Variants in PPP2CB observed in about 807,000 individuals in gnomAD.
PPP2CB encodes the protein serine/threonine-protein phosphatase 2A catalytic subunit beta isoform.
A neutral mutation model predicts 39.1 loss-of-function variants in PPP2CB; 18 were observed. That is an observed-to-expected ratio of 0.46 (90% CI 0.32 to 0.68). The LOEUF is 0.68. Ranked by LOEUF, PPP2CB falls within the 30% of genes least tolerant of loss-of-function variation. PPP2CB has a pLI of 0.04. For synonymous variants in PPP2CB, 129 were observed against 133.8 expected (o/e 0.96, Z 0.25); for missense variants, 226 against 396.9 (o/e 0.57, Z 3.66).
intron 1 of PPP2CB, among the ~76,000 whole-genome samples, chr8:30,802,635 G>A (rs1419002248): frequency 2.0e-5 from 3 of 152,102 alleles, no homozygotes; most frequent in Non-Finnish European, 4.4e-5. Context: ...CTGAGCCACC[G>A]TGACTGGCCA....
In PPP2CB at chr8:30,787,604, G is replaced by C. The variant is rs541819954; in HGVS notation, c.858-1297C>G. ...CCTGCCTTGGCTTCCCAAAGTGCTA[G>C]GATTACTGGTTAGAGCCACCGCACC... On this transcript the variant is annotated intron_variant, in intron 6 of 6. Transcript: ENST00000221138. Among the ~76,000 whole-genome samples, 385 of 152,262 alleles carry C rather than the reference G, an allele frequency of 2.5e-3. 1 individual carries two copies. The highest frequency in any genetic ancestry group is 4.8e-3 in the Non-Finnish European group (328 of 68,020).
intron 3 of PPP2CB, among the ~76,000 whole-genome samples, chr8:30,794,939 A>C (rs1055709472): frequency 1.3e-5 from 2 of 152,158 alleles, no homozygotes; most frequent in African/African-American, 2.4e-5. Flanking sequence ...CTCAATGTTT[A>C]TACGTTTTAA....
At chr8:30,808,711 A>G (rs1007554052) in intron 1 of PPP2CB, among the ~76,000 whole-genome samples, 4 of 152,176 alleles carry the variant, frequency 2.6e-5, no homozygotes, top group South Asian at 2.1e-4. Context: ...TGTGGTTCAC[A>G]TAACAGGCAC....
At chr8:30,804,735 C>T (rs1204407284) in intron 1 of PPP2CB, among the ~76,000 whole-genome samples, 1 of 152,118 alleles carries the variant, frequency 6.6e-6, no homozygotes, top group South Asian at 2.1e-4. Flanking sequence ...TTTTTGTCTG[C>T]TGTTCTGAAG....
chr8:30,796,708 T>G (rs1806532444), intron 3 of PPP2CB, among the ~76,000 whole-genome samples: 1 of 152,172 alleles, frequency 6.6e-6, no homozygotes, highest in Non-Finnish European at 1.5e-5. Context: ...TATTTAAATT[T>G]AAATCAGTTC....
intron 6 of PPP2CB, among the ~76,000 whole-genome samples, chr8:30,789,173 G>C (rs1407397142): frequency 6.6e-6 from 1 of 151,932 alleles, no homozygotes; most frequent in Non-Finnish European, 1.5e-5. Flanking sequence ...TGGGATTACA[G>C]GCATGCGCCA....
intron 3 of PPP2CB, among the ~76,000 whole-genome samples, chr8:30,796,291 C>T (rs752891697): frequency 3.9e-5 from 6 of 152,130 alleles, no homozygotes; most frequent in Non-Finnish European, 7.4e-5. Context: ...TATATTCCCA[C>T]GAGCAGTCTA....
chr8:30,805,638 T>C (rs1806710739), intron 1 of PPP2CB, among the ~76,000 whole-genome samples: 1 of 152,080 alleles, frequency 6.6e-6, no homozygotes, highest in African/African-American at 2.4e-5. Flanking sequence ...TTAAAAAAAA[T>C]CCAACTATGC....
chr8:30,799,537 T>C lies in PPP2CB; in HGVS notation c.312+9A>G, dbSNP rs570629257. On this transcript the variant is annotated intron_variant, in intron 2 of 6. Transcript: ENST00000221138. ...TCTTGAAAAAAAAATTGAATTTCAA[T>C]AATCATACCTTTAATGCTACAAGAA... 6 of 1,596,690 alleles carry C rather than the reference T, an allele frequency of 3.8e-6. No individual in the cohort carries two copies. The African/African-American group carries it at 6.7e-5, about 18-fold the overall frequency.
chr8:30,809,378 G>A (rs1806785674), intron 1 of PPP2CB, among the ~76,000 whole-genome samples: 1 of 152,120 alleles, frequency 6.6e-6, no homozygotes, highest in Admixed American at 6.5e-5. Context: ...TCAACAAGGA[G>A]GATGGGGTAG....
At chr8:30,808,712 T>A (rs977110766) in intron 1 of PPP2CB, among the ~76,000 whole-genome samples, 5 of 152,216 alleles carry the variant, frequency 3.3e-5, no homozygotes, top group Middle Eastern at 6.8e-3. Context: ...GTGGTTCACA[T>A]AACAGGCACC....
At chr8:30,794,483 T>G in intron 3 of PPP2CB, 1 of 493,908 alleles carries the variant, frequency 2.0e-6, no homozygotes, top group African/African-American at 2.0e-5. Flanking sequence ...CTTTTTTTTT[T>G]TTTCCCCTCC....
intron 1 of PPP2CB, among the ~76,000 whole-genome samples, chr8:30,806,110 C>T (rs540505861): frequency 1.3e-5 from 2 of 149,934 alleles, no homozygotes; most frequent in East Asian, 2.0e-4. Flanking sequence ...TGCAGTGGCG[C>T]GATCTCGGCT....
chr8:30,798,700 CCTCA>C (rs1452337816), intron 2 of PPP2CB, among the ~76,000 whole-genome samples: 1 of 152,200 alleles, frequency 6.6e-6, no homozygotes, highest in African/African-American at 2.4e-5. Context: ...GAGGGACTAA[CCTCA>C]CTAAGGACAT....
chr8:30,801,356 C>T (rs1051908830), intron 1 of PPP2CB, among the ~76,000 whole-genome samples: 2 of 151,878 alleles, frequency 1.3e-5, no homozygotes, highest in African/African-American at 4.8e-5. Context: ...CACAGTGAAA[C>T]CCCATCTCTA....
Position 30,786,316 on chromosome 8 carries a change from G to A in PPP2CB, c.858-9C>T. 1 of 1,563,008 alleles carries A rather than the reference G, an allele frequency of 6.4e-7. No homozygotes were observed. The stretch of plus-strand genomic sequence containing the variant: ...CTGGGTCAAATTGAAGGCTGTAAAT[G>A]GCAAAAAAGGAAGCAAATAAAGGAT... On this transcript the variant is annotated splice_polypyrimidine_tract_variant and intron_variant, in intron 6 of 6. Transcript: ENST00000221138.
At chr8:30,811,280 G>A (rs141278865) in intron 1 of PPP2CB, among the ~76,000 whole-genome samples, 3 of 152,178 alleles carry the variant, frequency 2.0e-5, no homozygotes, top group East Asian at 1.9e-4. Context: ...AAGTGCTATC[G>A]TGCATGAAAA....
At chr8:30,790,943 C>T (rs371537823) in intron 6 of PPP2CB, 81 of 330,018 alleles carry the variant, frequency 2.5e-4, no homozygotes, top group Admixed American at 1.5e-3. Flanking sequence ...CCACAGACTA[C>T]GGCTATTATT....
intron 1 of PPP2CB, among the ~76,000 whole-genome samples, chr8:30,802,568 A>G (rs576543481): frequency 1.3e-5 from 2 of 151,964 alleles, no homozygotes; most frequent in South Asian, 4.2e-4. Flanking sequence ...GCAGCCTCAA[A>G]CTCCTGGGCT....
Sources: gnomAD v4.1 joint callset for allele counts (sites outside exome capture counted in the v4.1 genomes callset) on GRCh38, gnomAD v4.1.1 for gene constraint, MANE v1.5 for transcripts, NCBI Gene and HGNC (gene_info 2026-07-23, HGNC 2026-07-21) for gene names.